ARL17B: variants seen among roughly 807,000 people sequenced by gnomAD.
ARL17B encodes ARF like GTPase 17B, also known as ADP-ribosylation factor-like protein 17.
intron 3 of ARL17B, among the ~76,000 whole-genome samples, chr17:46,312,671 C>T (rs1221610837): frequency 1.3e-5 from 1 of 78,030 alleles, no homozygotes; most frequent in African/African-American, 5.4e-5. Flanking sequence ...AAGGGGTAGC[C>T]GACTTTGTAC....
At chr17:46,317,003 G>A (rs921026189) in intron 3 of ARL17B, among the ~76,000 whole-genome samples, 2 of 96,596 alleles carry the variant, frequency 2.1e-5, no homozygotes, top group Non-Finnish European at 5.1e-5. Context: ...AGTCTTCTAT[G>A]TCTACTTCTT....
intron 3 of ARL17B, chr17:46,305,421 AG>A: frequency 2.6e-6 from 1 of 389,594 alleles, no homozygotes; most frequent in Non-Finnish European, 5.7e-6. Context: ...GATGAAAAAT[AG>A]GTATTCAGTA....
chr17:46,324,523 ATTTTTTT>A (rs917855068), intron 3 of ARL17B, among the ~76,000 whole-genome samples: 1 of 72,166 alleles, frequency 1.4e-5, no homozygotes, highest in African/African-American at 3.5e-5. Flanking sequence ...TTTATTTTTT[ATTTTTTT>A]GTAGAAATGA....
intron 4 of ARL17B, among the ~76,000 whole-genome samples, chr17:46,275,762 T>G (rs1375087422): frequency 6.6e-6 from 1 of 152,260 alleles, no homozygotes. Flanking sequence ...TGTGTATGTG[T>G]GTGTTTATTT....
intron 4 of ARL17B, among the ~76,000 whole-genome samples, chr17:46,292,053 C>T (rs1317568339): frequency 1.4e-5 from 2 of 141,512 alleles, no homozygotes; most frequent in Non-Finnish European, 3.1e-5. Flanking sequence ...TTTGACAGGC[C>T]AGGCCCAGTG....
chr17:46,281,278 C>T (rs1346627890), intron 4 of ARL17B, among the ~76,000 whole-genome samples: 1 of 151,716 alleles, frequency 6.6e-6, no homozygotes, highest in Non-Finnish European at 1.5e-5. Context: ...TGCTAAATTC[C>T]CTGTATCTGG....
At chr17:46,277,883 C>T (rs1426013424) in intron 4 of ARL17B, among the ~76,000 whole-genome samples, 7 of 151,906 alleles carry the variant, frequency 4.6e-5, no homozygotes, top group African/African-American at 1.2e-4. Flanking sequence ...CTGACCTAAC[C>T]GCCCACCTCA....
chr17:46,283,730 G>A (rs78747001), intron 4 of ARL17B, among the ~76,000 whole-genome samples: 320 of 125,904 alleles, frequency 2.5e-3, no homozygotes, highest in Admixed American at 4.9e-3. Flanking sequence ...GGGGGCCCAG[G>A]GTACCTGCGT....
Position 46,325,865 on chromosome 17 carries a change from G to T in ARL17B, c.260-26200C>A, listed in dbSNP as rs1260084032. Among the ~76,000 whole-genome samples the T allele has an allele frequency of 2.7e-5, 2 of 73,008 alleles. 1 individual carries two copies. Among genetic ancestry groups the T allele is most frequent in the African/African-American group, 6.4e-5 (2 of 31,034 alleles). 47.9% of individuals were successfully genotyped at this position (73,008 alleles called of 152,430 possible). ...AAAGTATTAGCAACTACTGATTCCAGATGAAAGTTATACAGGTGTTCATTA... is the reference window on the plus strand; with the variant it reads ...AAAGTATTAGCAACTACTGATTCCATATGAAAGTTATACAGGTGTTCATTA... On this transcript the variant is annotated intron_variant, in intron 3 of 4. Transcript: ENST00000434041.
intron 4 of ARL17B, among the ~76,000 whole-genome samples, chr17:46,282,164 G>A (rs1221115754): frequency 6.6e-6 from 1 of 151,528 alleles, no homozygotes; most frequent in Non-Finnish European, 1.5e-5. Flanking sequence ...GTGCAGTGGC[G>A]CAATCTCGGC....
In ARL17B at chr17:46,316,728, G is replaced by T. The variant is rs1235236268; in HGVS notation, c.260-17063C>A. 7.4e-5 allele frequency among the ~76,000 whole-genome samples: 6 copies of T among 81,158 alleles called. No individual in the cohort carries two copies. The East Asian group carries it at 1.9e-3, about 26-fold the overall frequency. The allele number at this position is 81,158 out of a possible 152,430, so 53.2% of individuals were successfully genotyped here. A position where few individuals can be genotyped will look rare whatever the true frequency, so the allele number is the denominator to read the frequency against. On this transcript the variant is annotated intron_variant, in intron 3 of 4. Coordinates refer to the ARL17B transcript ENST00000434041. The stretch of plus-strand genomic sequence containing the variant: ...TCAGCAGATAAACAAGTGAACAAAG[G>T]TCTCTGGTTTTCCTAGGCAGAGGAC...
intron 4 of ARL17B, among the ~76,000 whole-genome samples, chr17:46,285,937 C>T (rs999890426): frequency 2.6e-5 from 4 of 152,250 alleles, no homozygotes; most frequent in African/African-American, 9.6e-5. Context: ...TCCTCATCAT[C>T]CTTCTCTGTT....
chr17:46,292,091 A>G (rs1382037845), intron 4 of ARL17B, among the ~76,000 whole-genome samples: 1 of 143,068 alleles, frequency 7.0e-6, no homozygotes, highest in Admixed American at 7.1e-5. Context: ...CAGCACTTTG[A>G]GAGGCTGAGG....
intron 4 of ARL17B, among the ~76,000 whole-genome samples, chr17:46,282,395 A>G (rs1598070215): frequency 6.7e-6 from 1 of 149,622 alleles, no homozygotes; most frequent in Non-Finnish European, 1.5e-5. Context: ...GATCCACCGC[A>G]CCTGGCCTCA....
intron 3 of ARL17B, among the ~76,000 whole-genome samples, chr17:46,323,705 T>C (rs376270858): frequency 5.8e-5 from 6 of 103,576 alleles, no homozygotes; most frequent in South Asian, 4.9e-4. Flanking sequence ...CCTCACTCAG[T>C]AGAATTTTTT....
At chr17:46,276,830 G>T (rs1204181981) in intron 4 of ARL17B, among the ~76,000 whole-genome samples, 1 of 148,896 alleles carries the variant, frequency 6.7e-6, no homozygotes, top group Admixed American at 6.7e-5. Context: ...TTGAGACAGG[G>T]TCTCACTCTG....
At chr17:46,353,316 T>TC (rs1408387409) in intron 2 of ARL17B, among the ~76,000 whole-genome samples, 1 of 109,714 alleles carries the variant, frequency 9.1e-6, no homozygotes, top group African/African-American at 4.0e-5. Flanking sequence ...ACCAACTCCC[T>TC]CCCTCTATGA....
rs999307564 is a variant in ARL17B, at chr17:46,323,380, C to G, written c.260-23715G>C. ...ATAGCACATAGCCTCTTGTGTTTGG[C>G]TCCTTTCACAAAGCCTAATTTTTTT... On this transcript the variant is annotated intron_variant, in intron 3 of 4. Transcript: ENST00000434041. Among the ~76,000 whole-genome samples the G allele has an allele frequency of 2.0e-5, 2 of 98,168 alleles. 1 individual carries two copies. Among genetic ancestry groups the G allele is most frequent in the Non-Finnish European group, 4.7e-5 (2 of 42,224 alleles). 64.4% of individuals were successfully genotyped at this position (98,168 alleles called of 152,430 possible).
chr17:46,278,567 C>T (rs1455936367), intron 4 of ARL17B, among the ~76,000 whole-genome samples: 1 of 151,654 alleles, frequency 6.6e-6, no homozygotes, highest in African/African-American at 2.4e-5. Flanking sequence ...CTGCGACCGG[C>T]TAATTTTTGT....
Sources: allele counts gnomAD v4.1 joint callset (sites outside exome capture counted in the v4.1 genomes callset), GRCh38; gene constraint gnomAD v4.1.1; transcripts MANE v1.5; gene names NCBI Gene and HGNC (gene_info 2026-07-23, HGNC 2026-07-21).